RABGEF1: variants seen among roughly 807,000 people sequenced by gnomAD.
RABGEF1 encodes RAB guanine nucleotide exchange factor 1, also known as rab5 GDP/GTP exchange factor.
Under a neutral mutation model 57.3 loss-of-function variants are expected in RABGEF1, and 26 were observed. That is an observed-to-expected ratio of 0.45 (90% CI 0.33 to 0.63). RABGEF1 has a LOEUF of 0.63. RABGEF1 is among the 20% of genes least tolerant of loss of function. The pLI is 0.02. For missense variants in RABGEF1, 464 were observed against 607.6 expected, an observed-to-expected ratio of 0.76 and a Z score of 2.48; for synonymous variants, 185 against 210.7, an observed-to-expected ratio of 0.88 and a Z score of 1.06.
intron 1 of RABGEF1, among the ~76,000 whole-genome samples, chr7:66,743,036 G>A (rs1412765458): frequency 2.6e-5 from 4 of 152,154 alleles, no homozygotes; most frequent in Non-Finnish European, 4.4e-5. Flanking sequence ...CTGGCCAGGC[G>A]CGGTGGCTCA....
chr7:66,809,231 G>A lies in RABGEF1; in HGVS notation c.1423G>A (p.Val475Ile), dbSNP rs756698105. Reference protein sequence around the residue: ...QPLAAIDSENVENDKLPPPLQ... With the variant: ...QPLAAIDSENIENDKLPPPLQ... ...GTTAGCAGCTATTGACTCTGAAAAC[G>A]TTGAAAATGATAAACTTCCTCCACC... is the stretch of plus-strand genomic sequence containing the variant. The change falls in exon 9 of 9, where the codon GTT becomes ATT. Residue 475 changes from valine (V) to isoleucine (I), a missense_variant. By Grantham distance (29) the Val-to-Ile change is conservative. Coordinates refer to ENST00000284957, the MANE Select transcript of RABGEF1 (RefSeq NM_014504.3). The A allele has an allele frequency of 8.7e-6, 14 of 1,612,532 alleles. No individual in the cohort carries two copies. The highest frequency in any genetic ancestry group is 1.3e-5 in the African/African-American group (1 of 74,998).
rs2129189823 is a variant in RABGEF1 at position 66,805,240 on chromosome 7, T to C, written c.921T>C (p.Asn307=). 6.2e-7 allele frequency: 1 copy of C among 1,614,218 alleles called. No homozygotes were observed. The highest frequency in any genetic ancestry group is 8.5e-7 in the Non-Finnish European group (1 of 1,180,040). ...HIFNAIKITK[N]EPASADDFLP... is the part of the protein sequence containing the mutation. ...TCAATGCCATCAAGATCACCAAGAA[T>C]GAGCCGGCGTCAGCGGATGACTTCC... Residue 307 remains asparagine, a synonymous_variant, in exon 8 of 9, where the codon AAT becomes AAC. Coordinates refer to ENST00000284957, the MANE Select transcript of RABGEF1 (RefSeq NM_014504.3).
At chr7:66,659,028 T>C in the RABGEF1 span, among the ~76,000 whole-genome samples, 1 of 152,068 alleles carries the variant, frequency 6.6e-6, no homozygotes, top group African/African-American at 2.4e-5. Flanking sequence ...AGCCACCCGG[T>C]GCCCGGCCGA....
chr7:66,687,528 T>G (rs544775589), intron 1 of RABGEF1, among the ~76,000 whole-genome samples: 2 of 148,784 alleles, frequency 1.3e-5, no homozygotes, highest in South Asian at 4.2e-4. Flanking sequence ...AGAAGAAGAA[T>G]ATAGGCTATG....
the RABGEF1 span, among the ~76,000 whole-genome samples, chr7:66,675,459 C>A: frequency 2.0e-5 from 3 of 151,836 alleles, no homozygotes; most frequent in Non-Finnish European, 4.4e-5. Context: ...AAAAAAACCC[C>A]AAAAAACTCC....
At chr7:66,766,138 G>C (rs553319123) in intron 1 of RABGEF1, among the ~76,000 whole-genome samples, 1 of 152,154 alleles carries the variant, frequency 6.6e-6, no homozygotes, top group African/African-American at 2.4e-5. Context: ...AGGAGTTCAA[G>C]ACCACCTGGG....
At chr7:66,721,004 A>C (rs572708588) in intron 2 of RABGEF1, among the ~76,000 whole-genome samples, 2 of 152,148 alleles carry the variant, frequency 1.3e-5, no homozygotes, top group Non-Finnish European at 2.9e-5. Flanking sequence ...TGCAACCTCC[A>C]CTTCCCAGGT....
chr7:66,709,632 C>T (rs565027772), intron 1 of RABGEF1, among the ~76,000 whole-genome samples: 88 of 152,084 alleles, frequency 5.8e-4, no homozygotes, highest in African/African-American at 2.0e-3. Context: ...ACTAAAAATA[C>T]GAAATTAGCC....
the RABGEF1 span, among the ~76,000 whole-genome samples, chr7:66,656,219 G>T: frequency 6.6e-6 from 1 of 151,942 alleles, no homozygotes; most frequent in Non-Finnish European, 1.5e-5. Context: ...TGTGCTCAAG[G>T]GATCCTCCCA....
chr7:66,670,443 T>A, the RABGEF1 span, among the ~76,000 whole-genome samples: 1 of 21,260 alleles, frequency 4.7e-5, no homozygotes, highest in African/African-American at 5.7e-4. Context: ...ATTTTTTTTT[T>A]TTTTTTTTTT....
At chr7:66,670,433 ATTTTTTTTTTTTTTTT>A in the RABGEF1 span, among the ~76,000 whole-genome samples, 2 of 116,026 alleles carry the variant, frequency 1.7e-5, no homozygotes, top group Non-Finnish European at 1.7e-5. Context: ...GAATGAGATG[ATTTTTTTTTTTTTTTT>A]TTTTTTTTTT....
chr7:66,732,660 T>G (rs1208509022), intron 2 of RABGEF1, among the ~76,000 whole-genome samples: 5 of 152,032 alleles, frequency 3.3e-5, no homozygotes, highest in African/African-American at 1.2e-4. Flanking sequence ...ATCATGAAAT[T>G]TGGTTCACAA....
At chr7:66,696,404 G>A (rs73135950) in intron 1 of RABGEF1, among the ~76,000 whole-genome samples, 15,767 of 152,012 alleles carry the variant, frequency 0.1, 897 homozygotes, top group Non-Finnish European at 0.11. Flanking sequence ...AAAGTGGACC[G>A]TGGGGCTGGG....
intron 1 of RABGEF1, among the ~76,000 whole-genome samples, chr7:66,703,265 C>A (rs546713650): frequency 2.5e-4 from 38 of 152,296 alleles, no homozygotes; most frequent in Non-Finnish European, 5.1e-4. Flanking sequence ...AGCCACCGTG[C>A]CTGGCCTGTA....
At chr7:66,798,001 C>T (rs1339745235) in intron 6 of RABGEF1, among the ~76,000 whole-genome samples, 1 of 152,182 alleles carries the variant, frequency 6.6e-6, no homozygotes, top group Admixed American at 6.5e-5. Context: ...CCTGTGATCC[C>T]AGCTACTTGG....
chr7:66,712,752 C>T lies in RABGEF1; in HGVS notation c.-815+528C>T, dbSNP rs369524458. Among the ~76,000 whole-genome samples the T allele has an allele frequency of 2.4e-4, 37 of 152,116 alleles. No individual in the cohort carries two copies. The East Asian group carries it at 3.9e-3, about 16-fold the overall frequency. ...CCTCCCAAAGTGCTGGGATTATAGG[C>T]GTGAGCCACTGCACCCAGCCTCTTT... On this transcript the variant is annotated intron_variant and NMD_transcript_variant, in intron 2 of 9. Transcript: ENST00000607882.
chr7:66,805,863 GC>G (rs1788318054), intron 8 of RABGEF1, among the ~76,000 whole-genome samples: 1 of 151,616 alleles, frequency 6.6e-6, no homozygotes, highest in African/African-American at 2.4e-5. Context: ...TCTCACCTCA[GC>G]CTGCTGTGAA....
chr7:66,745,111 G>A (rs1425670573), intron 1 of RABGEF1, among the ~76,000 whole-genome samples: 2 of 151,660 alleles, frequency 1.3e-5, no homozygotes, highest in Non-Finnish European at 2.9e-5. Context: ...AGAATGGCGT[G>A]AACCCGGGAG....
At chr7:66,690,738 A>G (rs1490639432) in intron 1 of RABGEF1, among the ~76,000 whole-genome samples, 1 of 151,868 alleles carries the variant, frequency 6.6e-6, no homozygotes, top group African/African-American at 2.4e-5. Flanking sequence ...TTAAAAAATT[A>G]AATTTACAAA....
Sources: allele counts gnomAD v4.1 joint callset (sites outside exome capture counted in the v4.1 genomes callset), GRCh38; gene constraint gnomAD v4.1.1; transcripts MANE v1.5; gene names NCBI Gene and HGNC (gene_info 2026-07-23, HGNC 2026-07-21).